The following ZNF48 variants were observed in gnomAD, a reference collection of about 807,000 sequenced individuals.
ZNF48 encodes the protein zinc finger protein 553.
ZNF48 carries 20 observed loss-of-function variants against 40.0 expected under a neutral mutation model. The ratio of observed to expected loss-of-function variants is 0.50; its 90% CI spans 0.35 to 0.73. The LOEUF is 0.73. Among genes scored for constraint, ZNF48 ranks in the 30% least tolerant of loss-of-function variants. The pLI is 0.01. For synonymous variants in ZNF48, 298 were observed against 329.7 expected (o/e 0.90, Z 1.04); for missense variants, 726 against 851.9 (o/e 0.85, Z 1.84).
intron 1 of ZNF48, among the ~76,000 whole-genome samples, chr16:30,385,176 AAATAATAAT>A (rs71149012): frequency 0.07 from 9,842 of 140,792 alleles, 419 homozygotes; most frequent in African/African-American, 0.11. Flanking sequence ...ACTCTTTCTC[AAATAATAAT>A]AATAATAATA....
intron 1 of ZNF48, among the ~76,000 whole-genome samples, chr16:30,385,079 G>A (rs1350029674): frequency 6.6e-6 from 1 of 151,954 alleles, no homozygotes; most frequent in Admixed American, 6.6e-5. Context: ...GGGAGCTGAA[G>A]CAGGAGAATC....
At position 30,381,227 on chromosome 16, in the gene ZNF48, A is replaced by G; in HGVS notation, c.-16+2817A>G. On this transcript the variant is annotated intron_variant, in intron 1 of 2. Coordinates refer to the ZNF48 transcript ENST00000528032. This position sits in a 1 kb window ranked among gnomAD's most constrained non-coding sequence, Gnocchi z 4.3. ...CTCGTGTACTGCCCGGAGGAAGGCC[A>G]CATCTAGGGGCCGGAGCCTGCACCC... 1 of 1,614,004 alleles carries G rather than the reference A, an allele frequency of 6.2e-7. No homozygotes were observed.
At position 30,383,147 on chromosome 16, in the gene ZNF48, A is replaced by G. The variant is rs371354924; in HGVS notation, c.-16+4737A>G. 80 of 294,160 alleles carry G rather than the reference A, an allele frequency of 2.7e-4. 1 individual carries two copies. The East Asian group carries it at 6.2e-3, about 23-fold the overall frequency. The allele number at this position is 294,160 out of a possible 1,614,324, so 18.2% of individuals were successfully genotyped here. A position where few individuals can be genotyped will look rare whatever the true frequency, so the allele number is the denominator to read the frequency against. On this transcript the variant is annotated intron_variant, in intron 1 of 2. Coordinates refer to the ZNF48 transcript ENST00000528032. ...CAGTGAGCTGTGATCACACCACTAC[A>G]CTCCAGCCTGAGCAACACAGCAAAA...
At position 30,398,395 on chromosome 16, in the gene ZNF48, T is replaced by C; in HGVS notation, c.1145T>C (p.Met382Thr). 1 of 1,611,886 alleles carries C rather than the reference T, an allele frequency of 6.2e-7. No individual in the cohort carries two copies. The highest frequency in any genetic ancestry group is 8.5e-7 in the Non-Finnish European group (1 of 1,178,596). The change falls in exon 3 of 3, where the codon ATG becomes ACG. Residue 382 changes from methionine to threonine, a missense_variant. Met to Thr is a moderately conservative substitution (Grantham distance 81). Transcript: ENST00000613509. The surrounding 1 kb of genome is among the most constrained non-coding windows in gnomAD (Gnocchi z 6.6). Reference sequence around the variant, plus strand: ...CTTCTTCGCCACCGCCTCACTCACATGGAGCCCCAGGACTTCAGCTTCCCA... The same window carrying C: ...CTTCTTCGCCACCGCCTCACTCACACGGAGCCCCAGGACTTCAGCTTCCCA... ...STLLRHRLTH[M>T]EPQDFSFPGY...
chr16:30,381,502 G>A lies in ZNF48; in HGVS notation c.-16+3092G>A, dbSNP rs1225675979. 1 of 1,613,468 alleles carries A rather than the reference G, an allele frequency of 6.2e-7. No individual in the cohort carries two copies. The highest frequency in any genetic ancestry group is 2.2e-5 in the East Asian group (1 of 44,886). On this transcript the variant is annotated intron_variant, in intron 1 of 2. Transcript: ENST00000528032. This position sits in a 1 kb window ranked among gnomAD's most constrained non-coding sequence, Gnocchi z 4.3. The stretch of plus-strand genomic sequence containing the variant: ...GGTGTGGGGAGAGGATGTGAGGTCA[G>A]AGATCAAAGGCCAGAGGGCAGGGGG...
upstream of ZNF48, among the ~76,000 whole-genome samples, chr16:30,394,111 C>A (rs1040014940): frequency 2.0e-5 from 3 of 151,796 alleles, no homozygotes; most frequent in Admixed American, 6.6e-5. Context: ...GATCATGGCT[C>A]ACTGCATCCT....
At chr16:30,384,377 A>G (rs2049884129) in intron 1 of ZNF48, among the ~76,000 whole-genome samples, 1 of 151,374 alleles carries the variant, frequency 6.6e-6, no homozygotes, top group South Asian at 2.1e-4. Context: ...AAATACAAAA[A>G]ATTAGCTGGG....
chr16:30,379,327 AG>A, intron 1 of ZNF48: 1 of 1,431,104 alleles, frequency 7.0e-7, no homozygotes, highest in African/African-American at 1.4e-5. Flanking sequence ...CTTTCCTCCT[AG>A]GATCCCCTGG....
chr16:30,395,777 C>T lies in ZNF48; in HGVS notation c.-15-3C>T, dbSNP rs765772405. On this transcript the variant is annotated splice_region_variant and splice_polypyrimidine_tract_variant and intron_variant, in intron 1 of 2. Coordinates refer to ENST00000613509, the MANE Select transcript of ZNF48 (RefSeq NM_001214909.2). This position sits in a 1 kb window ranked among gnomAD's most constrained non-coding sequence, Gnocchi z 5.9. Reference sequence around the variant, plus strand: ...GCGGGATGCTGTCTGTCCCCTTGCTCAGGGCGGCGTGCCGGCGATGGAGCG... The same window carrying T: ...GCGGGATGCTGTCTGTCCCCTTGCTTAGGGCGGCGTGCCGGCGATGGAGCG... 2.6e-6 allele frequency: 4 copies of T among 1,531,818 alleles called. No individual in the cohort carries two copies. The highest frequency in any genetic ancestry group is 3.5e-6 in the Non-Finnish European group (4 of 1,141,702). 94.9% of individuals were successfully genotyped at this position (1,531,818 alleles called of 1,614,324 possible). A position where few individuals can be genotyped will look rare whatever the true frequency, so the allele number is the denominator to read the frequency against.
At position 30,395,980 on chromosome 16, in the gene ZNF48, C is replaced by T. The variant is rs1314491046; in HGVS notation, c.79+107C>T. 2.5e-6 allele frequency: 3 copies of T among 1,206,626 alleles called. No individual in the cohort carries two copies. The African/African-American group carries it at 4.7e-5, about 19-fold the overall frequency. The allele number at this position is 1,206,626 out of a possible 1,614,324, so 74.7% of individuals were successfully genotyped here. ...CTGGAAGATCGGACGTGAGCTGTGC[C>T]TCTGGGGAGATAGGGGGAGGGGAGC... is the stretch of plus-strand genomic sequence containing the variant. On this transcript the variant is annotated intron_variant, in intron 2 of 2. Transcript: ENST00000613509. This position sits in a 1 kb window ranked among gnomAD's most constrained non-coding sequence, Gnocchi z 5.9.
Position 30,398,634 on chromosome 16 carries a change from C to G in ZNF48, c.1384C>G (p.Arg462Gly). 1 of 1,612,636 alleles carries G rather than the reference C, an allele frequency of 6.2e-7. No individual in the cohort carries two copies. The highest frequency in any genetic ancestry group is 8.5e-7 in the Non-Finnish European group (1 of 1,179,740). ...KCPECGKGFR[R>G]SSDLVKHHRV... ...CCCTGAGTGTGGCAAGGGCTTCCGC[C>G]GAAGCTCTGACCTGGTGAAACACCA... is the stretch of plus-strand genomic sequence containing the variant. Residue 462 changes from arginine (R) to glycine (G), a missense_variant, in exon 3 of 3, where the codon CGA (arginine) becomes GGA (glycine). Around this residue, in one of 5 missense-constraint regions of ZNF48, gnomAD observed 378 missense variants for 449.1 expected, o/e 0.84. Transcript: ENST00000613509. The surrounding 1 kb of genome is among the most constrained non-coding windows in gnomAD (Gnocchi z 6.6).
upstream of ZNF48, among the ~76,000 whole-genome samples, chr16:30,393,106 C>T (rs922563538): frequency 9.2e-5 from 14 of 152,014 alleles, no homozygotes; most frequent in African/African-American, 2.2e-4. Context: ...GATGAAGTCT[C>T]GCTCTTGTCC....
At chr16:30,378,993 T>C (rs12447833) in intron 1 of ZNF48, 1,097,166 of 1,604,972 alleles carry the variant, frequency 0.68, 379,857 homozygotes, top group African/African-American at 0.9. Context: ...TTGGAGGCTC[T>C]GATACTGTCC....
chr16:30,390,878 C>T (rs1164622981), upstream of ZNF48, among the ~76,000 whole-genome samples: 1 of 151,894 alleles, frequency 6.6e-6, no homozygotes, highest in African/African-American at 2.4e-5. Flanking sequence ...CCCACCTCAG[C>T]CTCCCAAAGT....
At position 30,379,899 on chromosome 16, in the gene ZNF48, G is replaced by C. The variant is rs200932516; in HGVS notation, c.-16+1489G>C. The C allele has an allele frequency of 2.6e-4, 316 of 1,203,674 alleles. 1 individual carries two copies. In the East Asian group the frequency reaches 4.0e-3, roughly 15 times the overall value. The allele number at this position is 1,203,674 out of a possible 1,614,324, so 74.6% of individuals were successfully genotyped here. On this transcript the variant is annotated intron_variant, in intron 1 of 2. Transcript: ENST00000528032. Reference sequence around the variant, plus strand: ...TGGGATTACAGACGTGAGCCACCGTGCCCGGCCTGCCTTCCTTCTTTGTTT... The same window carrying C: ...TGGGATTACAGACGTGAGCCACCGTCCCCGGCCTGCCTTCCTTCTTTGTTT...
rs779243942 is a variant in ZNF48 at position 30,397,278 on chromosome 16, G to A, written c.80-52G>A. 18 of 1,525,998 alleles carry A rather than the reference G, an allele frequency of 1.2e-5. No homozygotes were observed. Among genetic ancestry groups the A allele is most frequent in the Non-Finnish European group, 1.6e-5 (18 of 1,128,668 alleles). 94.5% of individuals were successfully genotyped at this position (1,525,998 alleles called of 1,614,324 possible). Reference sequence around the variant, plus strand: ...TCTTCCTGGAGAGGTTGCTGTCAAAGATAAGTACCGAGCCAAAGGGGAGGG... The same window carrying A: ...TCTTCCTGGAGAGGTTGCTGTCAAAAATAAGTACCGAGCCAAAGGGGAGGG... On this transcript the variant is annotated intron_variant, in intron 2 of 2. Transcript: ENST00000613509. The surrounding 1 kb of genome is among the most constrained non-coding windows in gnomAD (Gnocchi z 4.1).
chr16:30,379,124 G>A, intron 1 of ZNF48: 2 of 1,614,182 alleles, frequency 1.2e-6, no homozygotes, highest in East Asian at 2.2e-5. Context: ...AGGTCCTGCA[G>A]GTGTGTCTGC....
upstream of ZNF48, among the ~76,000 whole-genome samples, chr16:30,392,151 T>G (rs1057401038): frequency 6.6e-6 from 1 of 152,180 alleles, no homozygotes; most frequent in Non-Finnish European, 1.5e-5. Context: ...GCCTCCTGAG[T>G]ATCTGGGACT....
upstream of ZNF48, among the ~76,000 whole-genome samples, chr16:30,391,818 T>G (rs2049944309): frequency 6.7e-6 from 1 of 149,666 alleles, no homozygotes; most frequent in African/African-American, 2.4e-5. Context: ...TTCTCTTTCC[T>G]TTTCTTTCTC....
Sources: gnomAD v4.1 joint callset for allele counts (sites outside exome capture counted in the v4.1 genomes callset) on GRCh38, gnomAD v4.1.1 for gene constraint, gnomAD v4.1.1 regional missense constraint, Gnocchi (gnomAD v3.1) non-coding constraint, MANE v1.5 for transcripts, NCBI Gene and HGNC (gene_info 2026-07-23, HGNC 2026-07-21) for gene names.